The following OPCML variants were observed in gnomAD, a reference collection of about 807,000 sequenced individuals.
OPCML encodes opioid-binding protein/cell adhesion molecule.
OPCML carries 13 observed loss-of-function variants against 37.8 expected under a neutral mutation model. The observed-to-expected ratio is 0.34, with a 90% confidence interval of 0.22 to 0.55. The LOEUF (loss-of-function observed/expected upper bound fraction) is 0.55, where lower values mean the gene tolerates loss of function less well. OPCML is among the 20% of genes least tolerant of loss of function. The pLI, the probability that OPCML is intolerant of heterozygous loss-of-function variation, is 0.91. For missense variants in OPCML, 341 were observed against 435.6 expected, an observed-to-expected ratio of 0.78 and a Z score of 1.93; for synonymous variants, 176 against 168.8, an observed-to-expected ratio of 1.04 and a Z score of -0.33.
chr11:132,959,877 A>C (rs1320462642), intron 1 of OPCML, among the ~76,000 whole-genome samples: 1 of 152,238 alleles, frequency 6.6e-6, no homozygotes, highest in Non-Finnish European at 1.5e-5. Context: ...TTGTTCTTTC[A>C]AAATGAAACT....
At chr11:132,637,811 C>T (rs974093043) in intron 3 of OPCML, among the ~76,000 whole-genome samples, 3 of 152,134 alleles carry the variant, frequency 2.0e-5, no homozygotes, top group African/African-American at 7.2e-5. Flanking sequence ...GATTCATTCA[C>T]ACTGATTGAT....
chr11:132,714,034 A>G (rs1244538889), intron 2 of OPCML, among the ~76,000 whole-genome samples: 1 of 152,242 alleles, frequency 6.6e-6, no homozygotes, highest in East Asian at 1.9e-4. Flanking sequence ...TATTACATAA[A>G]AATTTGAAAT....
chr11:133,139,051 T>G (rs1248402236), intron 1 of OPCML, among the ~76,000 whole-genome samples: 1 of 152,306 alleles, frequency 6.6e-6, no homozygotes, highest in Non-Finnish European at 1.5e-5. Context: ...ATATGGAGCT[T>G]AGCATACATT....
chr11:132,745,750 C>T (rs777812951), intron 2 of OPCML, among the ~76,000 whole-genome samples: 1 of 152,118 alleles, frequency 6.6e-6, no homozygotes, highest in African/African-American at 2.4e-5. Context: ...ATTAAGGAGG[C>T]GGGTGTCAGG....
intron 2 of OPCML, among the ~76,000 whole-genome samples, chr11:132,702,375 C>T (rs1448114477): frequency 6.6e-6 from 1 of 152,150 alleles, no homozygotes; most frequent in African/African-American, 2.4e-5. Flanking sequence ...CTATATCACC[C>T]CATTCTTTCC....
At chr11:132,448,107 C>A (rs1315155893) in intron 4 of OPCML, among the ~76,000 whole-genome samples, 1 of 152,206 alleles carries the variant, frequency 6.6e-6, no homozygotes, top group African/African-American at 2.4e-5. Context: ...AAGAAATAGT[C>A]CTAGGGTCTT....
chr11:132,942,067 G>T (rs1158138168), intron 2 of OPCML, among the ~76,000 whole-genome samples: 1 of 152,150 alleles, frequency 6.6e-6, no homozygotes, highest in Non-Finnish European at 1.5e-5. Context: ...AAGCTGGGAC[G>T]TCCCTGAATC....
At chr11:132,804,224 G>A (rs867433867) in intron 2 of OPCML, among the ~76,000 whole-genome samples, 1 of 152,156 alleles carries the variant, frequency 6.6e-6, no homozygotes, top group Non-Finnish European at 1.5e-5. Context: ...CCCACAATTC[G>A]CCGGGTTTCT....
At chr11:132,982,469 GGACAA>G (rs1377126202) in intron 1 of OPCML, among the ~76,000 whole-genome samples, 3 of 150,682 alleles carry the variant, frequency 2.0e-5, no homozygotes, top group African/African-American at 7.3e-5. Flanking sequence ...GGAATTCGTT[GGACAA>G]GACAAGAAAG....
chr11:133,137,510 A>T (rs1462639440), intron 1 of OPCML, among the ~76,000 whole-genome samples: 1 of 152,184 alleles, frequency 6.6e-6, no homozygotes, highest in Non-Finnish European at 1.5e-5. Flanking sequence ...GGAGTTCCAG[A>T]TATCTCTCAT....
chr11:132,758,091 C>T (rs1255346789), intron 2 of OPCML, among the ~76,000 whole-genome samples: 1 of 152,086 alleles, frequency 6.6e-6, no homozygotes, highest in African/African-American at 2.4e-5. Flanking sequence ...TCAGGTTTGT[C>T]AAAGATCAGA....
At chr11:133,049,165 G>T (rs1165590762) in intron 1 of OPCML, among the ~76,000 whole-genome samples, 1 of 152,140 alleles carries the variant, frequency 6.6e-6, no homozygotes, top group East Asian at 1.9e-4. Flanking sequence ...TGTAACATTG[G>T]ATTCTATGTG....
intron 4 of OPCML, among the ~76,000 whole-genome samples, chr11:132,465,585 T>G (rs1420426640): frequency 6.6e-6 from 1 of 152,108 alleles, no homozygotes; most frequent in Non-Finnish European, 1.5e-5. Flanking sequence ...TGTTATTTTG[T>G]GTATAGCATC....
At chr11:132,444,892 T>A (rs1411791062) in intron 4 of OPCML, among the ~76,000 whole-genome samples, 1 of 152,206 alleles carries the variant, frequency 6.6e-6, no homozygotes, top group Non-Finnish European at 1.5e-5. Context: ...TGCATTGGAG[T>A]TAATGAAAAG....
intron 1 of OPCML, among the ~76,000 whole-genome samples, chr11:133,517,713 G>A (rs766419534): frequency 1.7e-4 from 26 of 152,220 alleles, no homozygotes; most frequent in Non-Finnish European, 3.4e-4. Context: ...AGCAGCGCCA[G>A]GCCACAGAGC....
At chr11:133,106,672 A>C (rs1446727395) in intron 1 of OPCML, among the ~76,000 whole-genome samples, 1 of 152,260 alleles carries the variant, frequency 6.6e-6, no homozygotes, top group Non-Finnish European at 1.5e-5. Context: ...AAATGTAAGC[A>C]CAAATGACAT....
At chr11:132,449,539 C>T (rs1319184547) in intron 4 of OPCML, among the ~76,000 whole-genome samples, 1 of 152,174 alleles carries the variant, frequency 6.6e-6, no homozygotes, top group African/African-American at 2.4e-5. Flanking sequence ...GCTCACTTCG[C>T]TAATCCTTCC....
chr11:133,009,107 C>A, intron 1 of OPCML: 1 of 985,212 alleles, frequency 1.0e-6, no homozygotes, highest in Non-Finnish European at 1.2e-6. Context: ...TAAATGCATT[C>A]TTTAATTCTA....
At chr11:132,500,696 T>C (rs1939958) in intron 4 of OPCML, among the ~76,000 whole-genome samples, 34,104 of 151,962 alleles carry the variant, frequency 0.22, 4,001 homozygotes, top group African/African-American at 0.28. Context: ...TAATGCTCTC[T>C]CTCTCCTTGC....
Sources: allele counts gnomAD v4.1 joint callset (sites outside exome capture counted in the v4.1 genomes callset), GRCh38; gene constraint gnomAD v4.1.1; transcripts MANE v1.5; gene names NCBI Gene and HGNC (gene_info 2026-07-23, HGNC 2026-07-21).